NRAP: variants seen among roughly 807,000 people sequenced by gnomAD.
NRAP encodes the protein nebulin-related-anchoring protein.
In NRAP, 189 loss-of-function variants were observed where a neutral mutation model predicts 225.9. That is an observed-to-expected ratio of 0.84 (90% CI 0.74 to 0.94). The LOEUF (loss-of-function observed/expected upper bound fraction) is 0.94, where lower values mean the gene tolerates loss of function less well. NRAP is among the 40% of genes least tolerant of loss of function. The pLI is 0.00. For synonymous variants in NRAP, 769 were observed against 790.7 expected (o/e 0.97, Z 0.46); for missense variants, 2,176 against 2,168.7 (o/e 1.00, Z -0.07).
At chr10:113,631,305 C>G (rs1472524161) in intron 18 of NRAP, among the ~76,000 whole-genome samples, 1 of 152,104 alleles carries the variant, frequency 6.6e-6, no homozygotes, top group Non-Finnish European at 1.5e-5. Flanking sequence ...ACCCTTAGGG[C>G]CACACTCCTT....
chr10:113,614,132 G>A (rs1011920338), intron 29 of NRAP, 51 bp downstream of exon 29: 1 of 1,175,392 alleles, frequency 8.5e-7, no homozygotes, highest in Non-Finnish European at 1.3e-6. Flanking sequence ...CATGCAGTGA[G>A]CGTTGTCAGG....
Position 113,604,787 on chromosome 10 carries a change from G to GC in NRAP, c.4048dup (p.Ala1350GlyfsTer60), listed in dbSNP as rs751046747. 3 of 1,614,104 alleles carry GC rather than the reference G, an allele frequency of 1.9e-6. No individual in the cohort carries two copies. Among genetic ancestry groups the GC allele is most frequent in the Admixed American group, 1.7e-5 (1 of 60,016 alleles). ...ATGGAACTGGGCTTGGCTGCTGGTC[G>GC]CCCCCCTCCTGTACTGAAGCTCGCT... On this transcript the variant is annotated frameshift_variant, in exon 35 of 42. Transcript: ENST00000359988. LOFTEE classifies it high-confidence loss of function.
Position 113,604,638 on chromosome 10 carries a change from C to A in NRAP, c.4198G>T (p.Ala1400Ser). The change falls in exon 35 of 42, where the codon GCC (alanine) becomes TCC (serine). Residue 1400 changes from alanine (A) to serine (S), a missense_variant. Around this residue, in one of 3 missense-constraint regions of NRAP, gnomAD observed 23 missense variants for 47.1 expected, o/e 0.49. Coordinates refer to ENST00000359988, the MANE Select transcript of NRAP (RefSeq NM_198060.4). The part of the protein sequence containing the change: ...ALPEDLKMAW[A>S]KKAHALQSEL... ...CTCTGCAGGGCATGGGCTTTCTTGG[C>A]CCAGGCCATCTTCAGGTCCTCGGGC... The A allele has an allele frequency of 6.2e-7, 1 of 1,614,022 alleles. No individual in the cohort carries two copies. The highest frequency in any genetic ancestry group is 8.5e-7 in the Non-Finnish European group (1 of 1,179,928).
chr10:113,650,332 C>T, intron 8 of NRAP, 106 bp downstream of exon 8: 1 of 894,148 alleles, frequency 1.1e-6, no homozygotes. Context: ...AAAACTACTC[C>T]CTGGCTTCAG....
Position 113,590,729 on chromosome 10 carries a change from C to A in NRAP, c.4805G>T (p.Ser1602Ile). 6.2e-7 allele frequency: 1 copy of A among 1,614,218 alleles called. No individual in the cohort carries two copies. Among genetic ancestry groups the A allele is most frequent in the Middle Eastern group, 1.6e-4 (1 of 6,062 alleles). The part of the protein sequence containing the change: ...DFAKSRSQFH[S>I]STDQPGLLQA... ...AAGGAGGCCGGGCTGGTCTGTGCTG[C>A]TGTGAAACTGGGACCGACTCTTGGC... The change falls in exon 40 of 42, where the codon AGC becomes ATC. Residue 1602 changes from serine (S) to isoleucine (I), a missense_variant. Around this residue, in one of 3 missense-constraint regions of NRAP, gnomAD observed 445 missense variants for 426.1 expected, o/e 1.04. Transcript: ENST00000359988.
rs781119387 is a variant in NRAP at position 113,629,625 on chromosome 10, G to A, written c.2003C>T (p.Thr668Ile). The A allele has an allele frequency of 1.2e-6, 2 of 1,613,988 alleles. No individual in the cohort carries two copies. Among genetic ancestry groups the A allele is most frequent in the Admixed American group, 3.3e-5 (2 of 60,024 alleles). ...CCCATAGGCCTTCTTGGCCCACTGA[G>A]TCTTCATATCTTCAGGCAGCACAGT... ...EYTVLPEDMK[T>I]QWAKKAYGLQ... Residue 668 changes from threonine (T) to isoleucine (I), a missense_variant, in exon 19 of 42, where the codon ACT becomes ATT. Physicochemically the swap from Thr to Ile is moderately conservative, Grantham distance 89. Around this residue, in one of 3 missense-constraint regions of NRAP, gnomAD observed 1,708 missense variants for 1,695.5 expected, o/e 1.01. Transcript: ENST00000359988.
Position 113,589,687 on chromosome 10 carries a change from GC to G in NRAP, c.5066del (p.Gly1689AlafsTer24). On this transcript the variant is annotated frameshift_variant, in exon 41 of 42. Transcript: ENST00000359988. LOFTEE classifies it low-confidence loss of function (END_TRUNC). ...TCACGTAAGCTCCCTGGAGACCCAG[GC>G]CCCTTGCGTTGGCCAGTTCCGCAGC... is the stretch of plus-strand genomic sequence containing the variant. ...RRAAELANAR[G>X]LGLQGAYRGA... The G allele has an allele frequency of 5.6e-6, 9 of 1,614,072 alleles. No homozygotes were observed. The highest frequency in any genetic ancestry group is 7.6e-6 in the Non-Finnish European group (9 of 1,180,022).
intron 3 of NRAP, among the ~76,000 whole-genome samples, chr10:113,660,407 G>A (rs10885492): frequency 4.0e-5 from 6 of 151,768 alleles, no homozygotes; most frequent in Admixed American, 3.3e-4. Flanking sequence ...ACACATATAC[G>A]CTGTCACATA....
In NRAP at chr10:113,654,139, A is replaced by G; in HGVS notation, c.361-14T>C. On this transcript the variant is annotated splice_polypyrimidine_tract_variant and intron_variant, in intron 4 of 41. Coordinates refer to ENST00000359988, the MANE Select transcript of NRAP (RefSeq NM_198060.4). ...CCAATAGGCTCTCTACAAAGGAAGC[A>G]CATGAAGGGATACAAACACATGCCC... 6.7e-7 allele frequency: 1 copy of G among 1,488,722 alleles called. No homozygotes were observed. The highest frequency in any genetic ancestry group is 1.1e-5 in the South Asian group (1 of 88,596). The allele number at this position is 1,488,722 out of a possible 1,614,324, so 92.2% of individuals were successfully genotyped here.
In NRAP at chr10:113,590,815, C is replaced by T; in HGVS notation, c.4719G>A (p.Arg1573=). ...IGYRSVDDDP[R]MKHFLNVGRL... is the part of the protein sequence containing the mutation. Reference sequence around the variant, plus strand: ...TGCCAACGTTGAGGAAATGCTTCATCCTTGGGTCATCGTCGACACTGCGGT... The same window carrying T: ...TGCCAACGTTGAGGAAATGCTTCATTCTTGGGTCATCGTCGACACTGCGGT... The change falls in exon 40 of 42, where the codon AGG becomes AGA. Residue 1573 remains arginine, a synonymous_variant. Coordinates refer to ENST00000359988, the MANE Select transcript of NRAP (RefSeq NM_198060.4). The T allele has an allele frequency of 6.2e-7, 1 of 1,614,196 alleles. No homozygotes were observed. Among genetic ancestry groups the T allele is most frequent in the Non-Finnish European group, 8.5e-7 (1 of 1,180,030 alleles).
At chr10:113,628,838 G>A (rs1442353234) in intron 20 of NRAP, 79 bp downstream of exon 20, 8 of 757,590 alleles carry the variant, frequency 1.1e-5, no homozygotes, top group Non-Finnish European at 1.8e-5. Context: ...GATAGAGAAA[G>A]GGAATTAGAG....
chr10:113,608,956 C>G (rs757436892), intron 31 of NRAP, among the ~76,000 whole-genome samples: 1 of 152,088 alleles, frequency 6.6e-6, no homozygotes, highest in Non-Finnish European at 1.5e-5. Context: ...GTCAGGAGTT[C>G]GAGACCATCC....
At chr10:113,652,869 A>G in intron 6 of NRAP, 66 bp downstream of exon 6, 1 of 1,076,886 alleles carries the variant, frequency 9.3e-7, no homozygotes, top group Non-Finnish European at 1.4e-6. Context: ...TTTTCCCTAA[A>G]TCACGGGGGC....
intron 29 of NRAP, among the ~76,000 whole-genome samples, 190 bp downstream of exon 29, chr10:113,613,993 G>T (rs933800353): frequency 1.3e-5 from 2 of 152,136 alleles, no homozygotes; most frequent in Non-Finnish European, 2.9e-5. Context: ...GGGTCAACCA[G>T]TCCGGCACCT....
chr10:113,605,014 T>C (rs1846866986), intron 34 of NRAP, 94 bp from the exon 35 acceptor site: 1 of 1,433,584 alleles, frequency 7.0e-7, no homozygotes, highest in Admixed American at 2.2e-5. Flanking sequence ...AGGTGATGAT[T>C]ATAAGAAAAA....
At chr10:113,596,855 C>T (rs1204036237) in intron 37 of NRAP, among the ~76,000 whole-genome samples, 1 of 152,102 alleles carries the variant, frequency 6.6e-6, no homozygotes, top group Non-Finnish European at 1.5e-5. Context: ...ATTATCCTCC[C>T]CGAAACCCCA....
chr10:113,608,542 C>G, intron 31 of NRAP, 30 bp from the exon 32 acceptor site: 1 of 1,423,906 alleles, frequency 7.0e-7, no homozygotes, highest in Non-Finnish European at 9.9e-7. Context: ...GGGAAGAAGA[C>G]GACTCCGTAA....
In NRAP at chr10:113,650,529, T is replaced by G; in HGVS notation, c.692A>C (p.Asp231Ala). 6.2e-7 allele frequency: 1 copy of G among 1,611,944 alleles called. No homozygotes were observed. The highest frequency in any genetic ancestry group is 8.5e-7 in the Non-Finnish European group (1 of 1,178,032). Residue 231 changes from aspartate (D) to alanine (A), a missense_variant, in exon 8 of 42, where the codon GAC (aspartate) becomes GCC (alanine). Physicochemically the swap from Asp to Ala is moderately radical, Grantham distance 126. Transcript: ENST00000359988. ...QLQSDVRYTEDYEQQRGKGSF... is the reference protein window; with the variant it reads ...QLQSDVRYTEAYEQQRGKGSF... ...GCCTTTCCCTCTTTGTTGTTCATAG[T>G]CCTCTGTGTATCTCACCTGAAATGA...
intron 35 of NRAP, among the ~76,000 whole-genome samples, chr10:113,598,930 G>A (rs1846442021): frequency 6.6e-6 from 1 of 152,184 alleles, no homozygotes; most frequent in African/African-American, 2.4e-5. Flanking sequence ...CTGACTGGTA[G>A]CCTTCCCAAA....
Sources: allele counts gnomAD v4.1 joint callset (sites outside exome capture counted in the v4.1 genomes callset), GRCh38; gene constraint gnomAD v4.1.1; regional missense constraint gnomAD v4.1.1; transcripts MANE v1.5; gene names NCBI Gene and HGNC (gene_info 2026-07-23, HGNC 2026-07-21).